LRP1: variants seen among roughly 807,000 people sequenced by gnomAD.
LRP1 encodes the protein LDL receptor related protein 1.
LRP1 carries 51 observed loss-of-function variants against 541.5 expected under a neutral mutation model. That is an observed-to-expected ratio of 0.09 (90% CI 0.08 to 0.12). The LOEUF (loss-of-function observed/expected upper bound fraction) is 0.12. Ranked by LOEUF, LRP1 falls within the 10% of genes least tolerant of loss-of-function variation. LRP1 has a pLI of 1.00. For missense variants in LRP1, 3,878 were observed against 6,376.2 expected (o/e 0.61, Z 13.34); for synonymous variants, 2,219 against 2,470.8 (o/e 0.90, Z 3.02).
chr12:57,166,976 C>T lies in LRP1; in HGVS notation c.2844C>T (p.Cys948=). The T allele has an allele frequency of 6.2e-7, 1 of 1,614,192 alleles. No homozygotes were observed. The highest frequency in any genetic ancestry group is 8.5e-7 in the Non-Finnish European group (1 of 1,180,016). ...AGTTCTCCTGTGCCAGTGGCCGCTG[C>T]ATCCCCATCTCCTGGACGTGTGATC... ...PNQFSCASGR[C]IPISWTCDLD... The change falls in exon 18 of 89, where the codon TGC becomes TGT. Residue 948 remains cysteine, a synonymous_variant. Transcript: ENST00000243077.
At chr12:57,132,690 T>G (rs1482303903) in intron 1 of LRP1, among the ~76,000 whole-genome samples, 1 of 152,184 alleles carries the variant, frequency 6.6e-6, no homozygotes, top group Non-Finnish European at 1.5e-5. Context: ...TCTCACCCTC[T>G]CAGTTCATCT....
At chr12:57,192,147 CCCACACA>C (rs1326143184) in intron 44 of LRP1, among the ~76,000 whole-genome samples, 65 of 150,420 alleles carry the variant, frequency 4.3e-4, no homozygotes, top group African/African-American at 1.6e-3. Context: ...CACCCCACAC[CCCACACA>C]CCACACCCCA....
At chr12:57,202,662 C>T (rs909348517) in intron 68 of LRP1, 125 bp downstream of exon 68, 23 of 688,392 alleles carry the variant, frequency 3.3e-5, no homozygotes, top group Admixed American at 3.1e-4. Context: ...AGGAGCCGCC[C>T]TCCTCACCCA....
intron 6 of LRP1, among the ~76,000 whole-genome samples, chr12:57,151,222 G>C (rs898134346): frequency 1.3e-5 from 2 of 152,180 alleles, no homozygotes. Context: ...GTTGAGAAAA[G>C]CTGGAGTTGT....
chr12:57,165,721 C>A lies in LRP1; in HGVS notation c.2531-84C>A. 1 of 1,414,632 alleles carries A rather than the reference C, an allele frequency of 7.1e-7. No homozygotes were observed. The allele number at this position is 1,414,632 out of a possible 1,614,324, so 87.6% of individuals were successfully genotyped here. A position where few individuals can be genotyped will look rare whatever the true frequency, so the allele number is the denominator to read the frequency against. On this transcript the variant is annotated intron_variant, in intron 15 of 88. Transcript: ENST00000243077. This position sits in a 1 kb window ranked among gnomAD's most constrained non-coding sequence, Gnocchi z 4.5. ...TTTGTATTATTAAAAAATAGTAAAA[C>A]AAACAAAAATGGTGCAAAGGGCTTA...
At chr12:57,198,758 G>T in intron 60 of LRP1, 88 bp downstream of exon 60, 4 of 1,301,844 alleles carry the variant, frequency 3.1e-6, no homozygotes, top group South Asian at 1.3e-5. Flanking sequence ...TTGGGGGCAA[G>T]AGTGGACATA....
Position 57,128,899 on chromosome 12 carries a change from G to A in LRP1, c.-66G>A, listed in dbSNP as rs371797883. On this transcript the variant is annotated 5_prime_UTR_variant, in exon 1 of 89. Coordinates refer to ENST00000243077, the MANE Select transcript of LRP1 (RefSeq NM_002332.3). The stretch of plus-strand genomic sequence containing the variant: ...AGGAAAAGGGGGACCCCCCAACTGG[G>A]GGGGGTGAAGGAGAGAAGTAGCAGG... 3 of 1,411,042 alleles carry A rather than the reference G, an allele frequency of 2.1e-6. 1 individual carries two copies. The highest frequency in any genetic ancestry group is 9.7e-7 in the Non-Finnish European group (1 of 1,035,238). The allele number at this position is 1,411,042 out of a possible 1,614,324, so 87.4% of individuals were successfully genotyped here.
chr12:57,154,305 A>C lies in LRP1; in HGVS notation c.939A>C (p.Thr313=), dbSNP rs1376623445. 1.9e-6 allele frequency: 3 copies of C among 1,614,186 alleles called. No individual in the cohort carries two copies. The highest frequency in any genetic ancestry group is 4.5e-5 in the East Asian group (2 of 44,890). Residue 313 remains threonine (T), a synonymous_variant, in exon 7 of 89, where the codon ACA becomes ACC. Coordinates refer to ENST00000243077, the MANE Select transcript of LRP1 (RefSeq NM_002332.3). This position sits in a 1 kb window ranked among gnomAD's most constrained non-coding sequence, Gnocchi z 4.6. ...TTGTCTGCAACAGAAATGGGGACAC[A>C]TGTGTCACATTGCTAGACCTGGAAC... The part of the protein sequence containing the change: ...RIFVCNRNGD[T]CVTLLDLELY...
At position 57,145,377 on chromosome 12, in the gene LRP1, G is replaced by C. The variant is rs1342886306; in HGVS notation, c.728G>C (p.Cys243Ser). The C allele has an allele frequency of 1.2e-6, 2 of 1,614,186 alleles. No homozygotes were observed. Among genetic ancestry groups the C allele is most frequent in the Admixed American group, 1.7e-5 (1 of 60,028 alleles). Residue 243 changes from cysteine (C) to serine (S), a missense_variant, in exon 6 of 89, where the codon TGC (cysteine) becomes TCC (serine). Coordinates refer to ENST00000243077, the MANE Select transcript of LRP1 (RefSeq NM_002332.3). Reference protein sequence around the residue: ...MDFSYANETVCWVHVGDSAAQ... With the variant: ...MDFSYANETVSWVHVGDSAAQ... ...TTCAGCTATGCCAACGAGACCGTAT[G>C]CTGGGTGCATGTTGGGGACAGTGCT... is the stretch of plus-strand genomic sequence containing the variant.
Position 57,199,931 on chromosome 12 carries a change from T to C in LRP1, c.9920T>C (p.Leu3307Pro). ...NNGGCSNLCL[L>P]SPGGGHKCAC... ...GGTGGCTGCAGCAACCTGTGCCTGCTGTCCCCCGGGGGAGGGCACAAATGT... is the reference window on the plus strand; with the variant it reads ...GGTGGCTGCAGCAACCTGTGCCTGCCGTCCCCCGGGGGAGGGCACAAATGT... The change falls in exon 62 of 89, where the codon CTG becomes CCG. Residue 3307 changes from leucine (L) to proline (P), a missense_variant. This residue lies in a region of LRP1 where 1,100 missense variants were observed against 1,827.4 expected (regional missense o/e 0.60). Transcript: ENST00000243077. 1 of 1,597,282 alleles carries C rather than the reference T, an allele frequency of 6.3e-7. No homozygotes were observed. The highest frequency in any genetic ancestry group is 1.4e-5 in the African/African-American group (1 of 73,980).
intron 6 of LRP1, chr12:57,150,169 T>A: frequency 6.5e-6 from 1 of 152,950 alleles, no homozygotes; most frequent in Non-Finnish European, 1.4e-5. Flanking sequence ...CTATGGAGCC[T>A]GTAACAGGAA....
At chr12:57,155,565 G>C (rs1385017813) in intron 8 of LRP1, 2 of 154,590 alleles carry the variant, frequency 1.3e-5, no homozygotes, top group African/African-American at 2.4e-5. Context: ...TTAAAGACAT[G>C]CTCTGTAGAG....
rs1288109899 is a variant in LRP1, at chr12:57,189,418, A to G, written c.7032-1387A>G. On this transcript the variant is annotated intron_variant, in intron 42 of 88. Coordinates refer to ENST00000243077, the MANE Select transcript of LRP1 (RefSeq NM_002332.3). This position sits in a 1 kb window ranked among gnomAD's most constrained non-coding sequence, Gnocchi z 4.4. ...ACACGCCGCCTCCCTCCCAACTTAC[A>G]TCCCGATTCCAGAGCCACCGCAAAC... is the stretch of plus-strand genomic sequence containing the variant. Among the ~76,000 whole-genome samples the G allele has an allele frequency of 6.6e-6, 1 of 151,954 alleles. No individual in the cohort carries two copies. Among genetic ancestry groups the G allele is most frequent in the Non-Finnish European group, 1.5e-5 (1 of 67,984 alleles).
chr12:57,151,094 T>A (rs2035517247), intron 6 of LRP1, among the ~76,000 whole-genome samples: 1 of 152,118 alleles, frequency 6.6e-6, no homozygotes, highest in Non-Finnish European at 1.5e-5. Flanking sequence ...TTAGAGCAGG[T>A]GACTAGAATC....
intron 41 of LRP1, 65 bp from the exon 42 acceptor site, chr12:57,187,202 C>G (rs907692574): frequency 5.3e-6 from 8 of 1,523,106 alleles, no homozygotes; most frequent in Non-Finnish European, 5.4e-6. Flanking sequence ...GGCTGTCCCC[C>G]ACGGCTCCTG....
At chr12:57,151,348 C>G (rs968053039) in intron 6 of LRP1, among the ~76,000 whole-genome samples, 1 of 152,162 alleles carries the variant, frequency 6.6e-6, no homozygotes, top group Non-Finnish European at 1.5e-5. Flanking sequence ...TCGTCTGACT[C>G]CTGCACCTCT....
chr12:57,194,871 C>A, intron 50 of LRP1, 114 bp from the exon 51 acceptor site: 4 of 1,151,086 alleles, frequency 3.5e-6, no homozygotes, highest in Non-Finnish European at 5.1e-6. Context: ...TGCTGCTGAG[C>A]CCCCCCACAG....
Position 57,185,752 on chromosome 12 carries a change from G to A in LRP1, c.6685G>A (p.Asp2229Asn), listed in dbSNP as rs1183266701. Residue 2229 changes from aspartate (D) to asparagine (N), a missense_variant, in exon 41 of 89, where the codon GAC (aspartate) becomes AAC (asparagine). This residue lies in a region of LRP1 where 1,100 missense variants were observed against 1,827.4 expected (regional missense o/e 0.60). Transcript: ENST00000243077. This position sits in a 1 kb window ranked among gnomAD's most constrained non-coding sequence, Gnocchi z 4.9. The part of the protein sequence containing the change: ...NLNAPVQPFE[D>N]PEHMKNVIAL... ...CAATGCGCCCGTGCAGCCCTTCGAG[G>A]ACCCTGAGCACATGAAGAACGTCAT... is the stretch of plus-strand genomic sequence containing the variant. 1 of 1,614,204 alleles carries A rather than the reference G, an allele frequency of 6.2e-7. No individual in the cohort carries two copies.
chr12:57,200,829 C>T lies in LRP1; in HGVS notation c.10225+14C>T, dbSNP rs1565751169. The T allele has an allele frequency of 1.3e-5, 11 of 851,906 alleles. No individual in the cohort carries two copies. Among genetic ancestry groups the T allele is most frequent in the South Asian group, 9.2e-5 (7 of 75,700 alleles). 52.8% of individuals were successfully genotyped at this position (851,906 alleles called of 1,614,324 possible). A position where few individuals can be genotyped will look rare whatever the true frequency, so the allele number is the denominator to read the frequency against. ...AGGCCAACTGTGGTAAGGCGCTGCC[C>T]GCCCACCCTCCCTCCTTCCCCAGCA... On this transcript the variant is annotated intron_variant, in intron 64 of 88. Coordinates refer to ENST00000243077, the MANE Select transcript of LRP1 (RefSeq NM_002332.3).
Sources: gnomAD v4.1 joint callset for allele counts (sites outside exome capture counted in the v4.1 genomes callset) on GRCh38, gnomAD v4.1.1 for gene constraint, gnomAD v4.1.1 regional missense constraint, Gnocchi (gnomAD v3.1) non-coding constraint, MANE v1.5 for transcripts, NCBI Gene and HGNC (gene_info 2026-07-23, HGNC 2026-07-21) for gene names.